ARFGEF2: variants seen among roughly 807,000 people sequenced by gnomAD.
ARFGEF2 encodes ARF guanine nucleotide exchange factor 2.
A neutral mutation model predicts 219.9 loss-of-function variants in ARFGEF2; 74 were observed. That is an observed-to-expected ratio of 0.34 (90% CI 0.28 to 0.41). The LOEUF is 0.41. Ranked by LOEUF, ARFGEF2 falls within the 10% of genes least tolerant of loss-of-function variation. The pLI, the probability that ARFGEF2 is intolerant of heterozygous loss-of-function variation, is 1.00. For synonymous variants in ARFGEF2, 733 were observed against 799.2 expected, an observed-to-expected ratio of 0.92 and a Z score of 1.40; for missense variants, 1,743 against 2,218.3, an observed-to-expected ratio of 0.79 and a Z score of 4.30.
At chr20:48,950,811 A>AATATATATATATATATAT (rs71184245) in intron 3 of ARFGEF2, among the ~76,000 whole-genome samples, 4 of 64,510 alleles carry the variant, frequency 6.2e-5, no homozygotes, top group Non-Finnish European at 7.8e-5. Flanking sequence ...AAAAAAAAAA[A>AATATATATATATATATAT]ATATATATAT....
rs1213739812 is a variant in ARFGEF2, at chr20:49,034,524, G to A, written c.*1325G>A. 1 of 152,202 alleles carries A rather than the reference G, an allele frequency of 6.6e-6. No homozygotes were observed. Among genetic ancestry groups the A allele is most frequent in the Non-Finnish European group, 1.5e-5 (1 of 68,042 alleles). The allele number at this position is 152,202 out of a possible 1,614,324, so 9.4% of individuals were successfully genotyped here. A position where few individuals can be genotyped will look rare whatever the true frequency, so the allele number is the denominator to read the frequency against. ...CTCACCCATGAGAAGGAGCACACAC[G>A]CCTCATTCTCTGCCCTCACCCACTG... On this transcript the variant is annotated 3_prime_UTR_variant, in exon 39 of 39. Transcript: ENST00000371917.
chr20:48,930,505 T>A (rs2090906632), intron 1 of ARFGEF2, among the ~76,000 whole-genome samples: 1 of 151,946 alleles, frequency 6.6e-6, no homozygotes, highest in South Asian at 2.1e-4. Context: ...ATGGAGCGAG[T>A]AAGAGCATGG....
At chr20:49,028,743 AAGAG>A (rs1264411674) in intron 37 of ARFGEF2, 75 bp downstream of exon 37, 2 of 1,508,280 alleles carry the variant, frequency 1.3e-6, no homozygotes, top group Admixed American at 1.9e-5. Flanking sequence ...GTGGATTGAA[AAGAG>A]TAAGAGAAAA....
In ARFGEF2 at chr20:48,974,820, A is replaced by G. The variant is rs772288924; in HGVS notation, c.1720A>G (p.Met574Val). The G allele has an allele frequency of 3.1e-6, 5 of 1,614,064 alleles. 1 individual carries two copies. The South Asian group carries it at 5.5e-5, about 18-fold the overall frequency. Residue 574 changes from methionine to valine, a missense_variant, in exon 13 of 39, where the codon ATG becomes GTG. By Grantham distance (21) the Met-to-Val change is conservative. Coordinates refer to ENST00000371917, the MANE Select transcript of ARFGEF2 (RefSeq NM_006420.3). Reference sequence around the variant, plus strand: ...GTGCCTCGTGTCCATTCTCAAGTGCATGGTGGAGTGGAGCAAAGACCTGTA... The same window carrying G: ...GTGCCTCGTGTCCATTCTCAAGTGCGTGGTGGAGTGGAGCAAAGACCTGTA... ...LECLVSILKCMVEWSKDLYVN... is the reference protein window; with the variant it reads ...LECLVSILKCVVEWSKDLYVN...
intron 1 of ARFGEF2, among the ~76,000 whole-genome samples, chr20:48,937,109 G>C (rs2090963225): frequency 6.6e-6 from 1 of 152,186 alleles, no homozygotes; most frequent in African/African-American, 2.4e-5. Context: ...AAAGGTGCTG[G>C]TGTGCTTCAG....
intron 6 of ARFGEF2, among the ~76,000 whole-genome samples, chr20:48,963,267 C>T (rs934047640): frequency 6.6e-6 from 1 of 151,766 alleles, no homozygotes; most frequent in South Asian, 2.1e-4. Flanking sequence ...TTTTCTGCGG[C>T]GGGGGGAGTA....
intron 21 of ARFGEF2, among the ~76,000 whole-genome samples, chr20:48,992,293 T>G (rs2091361703): frequency 5.9e-5 from 9 of 152,234 alleles, no homozygotes. Flanking sequence ...GGAAACTGTT[T>G]TATTCTTTTT....
intron 14 of ARFGEF2, 77 bp from the exon 15 acceptor site, chr20:48,984,652 T>C: frequency 1.3e-6 from 2 of 1,550,840 alleles, no homozygotes; most frequent in Non-Finnish European, 1.8e-6. Context: ...TCTATTATTA[T>C]TTATCTCAAA....
At chr20:48,984,970 CTA>C in intron 15 of ARFGEF2, 130 bp downstream of exon 15, 3 of 1,517,936 alleles carry the variant, frequency 2.0e-6, no homozygotes, top group Non-Finnish European at 2.7e-6. Flanking sequence ...TATACATTGT[CTA>C]TTGTCCACCC....
chr20:48,921,785 A>G lies in ARFGEF2; in HGVS notation c.-105A>G. The G allele has an allele frequency of 8.8e-7, 1 of 1,142,002 alleles. No homozygotes were observed. Among genetic ancestry groups the G allele is most frequent in the Non-Finnish European group, 1.1e-6 (1 of 920,360 alleles). The allele number at this position is 1,142,002 out of a possible 1,614,324, so 70.7% of individuals were successfully genotyped here. ...GTCGCTTCCTGACGGGGCGGCGCGG[A>G]CGGACGCGGCCGGTGCCGGCCGGGA... is the stretch of plus-strand genomic sequence containing the variant. On this transcript the variant is annotated 5_prime_UTR_variant, in exon 1 of 39. Transcript: ENST00000371917.
chr20:48,987,029 C>T (rs1288973340), intron 16 of ARFGEF2, among the ~76,000 whole-genome samples: 2 of 152,144 alleles, frequency 1.3e-5, no homozygotes, highest in African/African-American at 4.8e-5. Flanking sequence ...ACTGTTTTGC[C>T]TCTCAGGTCA....
At chr20:48,947,363 G>A (rs2091034957) in intron 3 of ARFGEF2, among the ~76,000 whole-genome samples, 1 of 152,094 alleles carries the variant, frequency 6.6e-6, no homozygotes, top group South Asian at 2.1e-4. Context: ...TTGTGTCACT[G>A]CACTCCAGCC....
In ARFGEF2 at chr20:49,013,580, C is replaced by A. The variant is rs780901142; in HGVS notation, c.3935C>A (p.Thr1312Lys). 8 of 1,614,166 alleles carry A rather than the reference C, an allele frequency of 5.0e-6. No individual in the cohort carries two copies. The highest frequency in any genetic ancestry group is 1.1e-5 in the South Asian group (1 of 91,090). Residue 1312 changes from threonine to lysine, a missense_variant, in exon 29 of 39, where the codon ACA (threonine) becomes AAA (lysine). Thr to Lys is a moderately conservative substitution (Grantham distance 78). Coordinates refer to ENST00000371917, the MANE Select transcript of ARFGEF2 (RefSeq NM_006420.3). ...SERPRVLQEY[T>K]SDDMNVAPGD... ...TCATCCTAGGTGCTACAAGAATACACAAGTGATGACATGAATGTAGCTCCT... is the reference window on the plus strand; with the variant it reads ...TCATCCTAGGTGCTACAAGAATACAAAAGTGATGACATGAATGTAGCTCCT...
intron 27 of ARFGEF2, among the ~76,000 whole-genome samples, chr20:49,011,679 T>G (rs2091499376): frequency 6.6e-6 from 1 of 152,258 alleles, no homozygotes; most frequent in Non-Finnish European, 1.5e-5. Context: ...AATTGATATT[T>G]GGGCCTTTAC....
At chr20:48,978,816 T>A (rs2091278127) in intron 14 of ARFGEF2, among the ~76,000 whole-genome samples, 1 of 152,242 alleles carries the variant, frequency 6.6e-6, no homozygotes, top group Non-Finnish European at 1.5e-5. Flanking sequence ...TTTTTGCACA[T>A]TGATTTTATA....
intron 23 of ARFGEF2, among the ~76,000 whole-genome samples, chr20:48,996,620 A>C (rs6012576): frequency 6.6e-6 from 1 of 150,788 alleles, no homozygotes; most frequent in Non-Finnish European, 1.5e-5. Flanking sequence ...GACGCATGCC[A>C]GTAATCCCAG....
chr20:48,990,930 A>C, intron 20 of ARFGEF2, 110 bp from the exon 21 acceptor site: 1 of 1,206,310 alleles, frequency 8.3e-7, no homozygotes, highest in South Asian at 1.3e-5. Context: ...AAAGCCAGTC[A>C]ATGTGCATAC....
At chr20:48,948,359 C>T (rs1380321848) in intron 3 of ARFGEF2, among the ~76,000 whole-genome samples, 1 of 152,138 alleles carries the variant, frequency 6.6e-6, no homozygotes, top group African/African-American at 2.4e-5. Flanking sequence ...CGTGTCATGC[C>T]ACCATTCCAT....
chr20:48,932,600 C>T (rs182769140), intron 1 of ARFGEF2, among the ~76,000 whole-genome samples: 77 of 152,196 alleles, frequency 5.1e-4, no homozygotes, highest in African/African-American at 1.7e-3. Flanking sequence ...CTATTGATTG[C>T]GTGTCATCTG....
Sources: allele counts gnomAD v4.1 joint callset (sites outside exome capture counted in the v4.1 genomes callset), GRCh38; gene constraint gnomAD v4.1.1; transcripts MANE v1.5; gene names NCBI Gene and HGNC (gene_info 2026-07-23, HGNC 2026-07-21).